NDST4: variants seen among roughly 807,000 people sequenced by gnomAD.
NDST4 encodes the protein N-deacetylase and N-sulfotransferase 4.
In NDST4, 63 loss-of-function variants were observed where a neutral mutation model predicts 100.8. The ratio of observed to expected loss-of-function variants is 0.62; its 90% CI spans 0.51 to 0.77. The LOEUF is 0.77. NDST4 is among the 30% of genes least tolerant of loss of function. The probability of loss-of-function intolerance (pLI) is 0.00; values close to 1 mark genes in which losing one functional copy is unlikely to be tolerated. For synonymous variants in NDST4, 377 were observed against 361.8 expected (o/e 1.04, Z -0.48); for missense variants, 943 against 1,018.4 (o/e 0.93, Z 1.01).
At chr4:115,005,099 G>A (rs1333309934) in intron 2 of NDST4, among the ~76,000 whole-genome samples, 1 of 151,992 alleles carries the variant, frequency 6.6e-6, no homozygotes, top group Non-Finnish European at 1.5e-5. Flanking sequence ...TTATGTGATT[G>A]TCACTATACT....
chr4:115,097,940 C>A (rs1202710495), intron 1 of NDST4, among the ~76,000 whole-genome samples: 1 of 152,156 alleles, frequency 6.6e-6, no homozygotes, highest in East Asian at 1.9e-4. Flanking sequence ...ATAAACATGG[C>A]AGATGTCCTC....
intron 6 of NDST4, among the ~76,000 whole-genome samples, chr4:114,916,814 C>G (rs1034424560): frequency 6.6e-6 from 1 of 151,768 alleles, no homozygotes; most frequent in Admixed American, 6.6e-5. Context: ...GCCACAGTGC[C>G]TGGCTTCAGC....
At chr4:114,863,572 T>C (rs1723964125) in intron 7 of NDST4, among the ~76,000 whole-genome samples, 1 of 152,242 alleles carries the variant, frequency 6.6e-6, no homozygotes, top group Non-Finnish European at 1.5e-5. Flanking sequence ...TCCAATCTTA[T>C]TGTTCCCTGC....
chr4:114,961,243 T>C (rs1293956032), intron 4 of NDST4, among the ~76,000 whole-genome samples: 1 of 151,666 alleles, frequency 6.6e-6, no homozygotes, highest in Non-Finnish European at 1.5e-5. Context: ...ATGCCTTTAT[T>C]AAAAATAAAA....
intron 3 of NDST4, 78 bp from the exon 4 acceptor site, chr4:114,970,662 T>G (rs1578421605): frequency 8.1e-7 from 1 of 1,233,514 alleles, no homozygotes; most frequent in East Asian, 2.5e-5. Context: ...AGATTTATGT[T>G]AATTTTTCAT....
intron 11 of NDST4, among the ~76,000 whole-genome samples, chr4:114,835,429 G>A (rs182859775): frequency 2.4e-4 from 37 of 152,308 alleles, no homozygotes; most frequent in African/African-American, 8.2e-4. Flanking sequence ...GTGCGGTTTT[G>A]AGTGAGTTTC....
At chr4:115,045,181 A>G (rs1401854097) in intron 2 of NDST4, among the ~76,000 whole-genome samples, 1 of 152,062 alleles carries the variant, frequency 6.6e-6, no homozygotes, top group East Asian at 1.9e-4. Flanking sequence ...GAGGAAATAA[A>G]CCTTCCATAT....
At chr4:114,881,109 T>C (rs1336654892) in intron 6 of NDST4, among the ~76,000 whole-genome samples, 1 of 152,026 alleles carries the variant, frequency 6.6e-6, no homozygotes, top group East Asian at 1.9e-4. Flanking sequence ...TAAGGAACCA[T>C]TGAAGGATTT....
At chr4:115,085,597 A>T (rs995040051) in intron 1 of NDST4, among the ~76,000 whole-genome samples, 2 of 152,144 alleles carry the variant, frequency 1.3e-5, no homozygotes, top group Admixed American at 6.6e-5. Flanking sequence ...GTGAGTTCTC[A>T]CAAAATCTGA....
At chr4:114,951,741 G>A (rs890626992) in intron 4 of NDST4, among the ~76,000 whole-genome samples, 2 of 152,040 alleles carry the variant, frequency 1.3e-5, no homozygotes, top group South Asian at 4.1e-4. Flanking sequence ...TCCAAGATTG[G>A]TCCAAAGCCA....
intron 1 of NDST4, among the ~76,000 whole-genome samples, chr4:115,098,275 A>T (rs1387739919): frequency 6.6e-6 from 1 of 152,154 alleles, no homozygotes; most frequent in Non-Finnish European, 1.5e-5. Context: ...TCTTACTCAA[A>T]TTCTAGAGAG....
rs562028624 is a variant in NDST4, at chr4:114,969,163, A to G, written c.1221+1267T>C. 6.6e-5 allele frequency among the ~76,000 whole-genome samples: 10 copies of G among 151,992 alleles called. No individual in the cohort carries two copies. The South Asian group carries it at 2.1e-3, about 32-fold the overall frequency. On this transcript the variant is annotated intron_variant, in intron 4 of 13. Coordinates refer to ENST00000264363, the MANE Select transcript of NDST4 (RefSeq NM_022569.3). ...CCCGTCTCTACTAAAAATACAAAAAAATTAGCCGGGCGTAGTGGCGGGCGC... is the reference window on the plus strand; with the variant it reads ...CCCGTCTCTACTAAAAATACAAAAAGATTAGCCGGGCGTAGTGGCGGGCGC...
chr4:114,848,475 G>A (rs1723603119), intron 8 of NDST4, 137 bp from the exon 9 acceptor site: 2 of 650,904 alleles, frequency 3.1e-6, no homozygotes, highest in East Asian at 5.6e-5. Context: ...AAATCAACTA[G>A]ATGCATTCCA....
intron 2 of NDST4, among the ~76,000 whole-genome samples, chr4:115,012,232 G>A (rs1327572067): frequency 6.6e-6 from 1 of 151,832 alleles, no homozygotes; most frequent in Non-Finnish European, 1.5e-5. Flanking sequence ...ACCTATTAAA[G>A]CTAGGTATTT....
chr4:115,020,552 G>C (rs1258676065), intron 2 of NDST4, among the ~76,000 whole-genome samples: 1 of 151,992 alleles, frequency 6.6e-6, no homozygotes, highest in Non-Finnish European at 1.5e-5. Flanking sequence ...AAGATAAATA[G>C]CTGGGGCTTA....
intron 7 of NDST4, among the ~76,000 whole-genome samples, chr4:114,858,113 A>G (rs749124896): frequency 6.6e-6 from 1 of 152,314 alleles, no homozygotes; most frequent in Non-Finnish European, 1.5e-5. Flanking sequence ...TCTTTCCCCT[A>G]TGTCTTCTGT....
intron 4 of NDST4, among the ~76,000 whole-genome samples, chr4:114,959,625 C>A (rs557158217): frequency 1.3e-5 from 2 of 152,058 alleles, no homozygotes; most frequent in Non-Finnish European, 2.9e-5. Context: ...CAATTCAAGA[C>A]AAGATTTGGG....
chr4:115,048,582 G>A (rs1390439682), intron 2 of NDST4, among the ~76,000 whole-genome samples: 4 of 152,042 alleles, frequency 2.6e-5, no homozygotes, highest in Non-Finnish European at 4.4e-5. Context: ...CACCGTGCCC[G>A]ACCCACATTA....
intron 2 of NDST4, among the ~76,000 whole-genome samples, chr4:114,983,287 G>A (rs776564223): frequency 2.6e-5 from 4 of 152,230 alleles, no homozygotes; most frequent in African/African-American, 7.2e-5. Flanking sequence ...TGCCTGGAAA[G>A]TGCAAACTCT....
Sources: gnomAD v4.1 joint callset for allele counts (sites outside exome capture counted in the v4.1 genomes callset) on GRCh38, gnomAD v4.1.1 for gene constraint, MANE v1.5 for transcripts, NCBI Gene and HGNC (gene_info 2026-07-23, HGNC 2026-07-21) for gene names.